The following NKAIN2 variants were observed in gnomAD, a reference collection of about 807,000 sequenced individuals.
NKAIN2 encodes sodium/potassium transporting ATPase interacting 2.
NKAIN2 carries 14 observed loss-of-function variants against 32.6 expected under a neutral mutation model. That is an observed-to-expected ratio of 0.43 (90% confidence interval 0.28 to 0.67). The LOEUF is 0.67. Ranked by LOEUF, NKAIN2 falls within the 30% of genes least tolerant of loss-of-function variation. The pLI is 0.17. For missense variants in NKAIN2, 198 were observed against 258.3 expected, an observed-to-expected ratio of 0.77 and a Z score of 1.60; for synonymous variants, 80 against 87.2, an observed-to-expected ratio of 0.92 and a Z score of 0.46.
chr6:124,353,816 A>C (rs965803901), intron 2 of NKAIN2, among the ~76,000 whole-genome samples: 1 of 152,120 alleles, frequency 6.6e-6, no homozygotes, highest in Non-Finnish European at 1.5e-5. Flanking sequence ...AGCAAATAAT[A>C]TATGTGTCTG....
intron 2 of NKAIN2, among the ~76,000 whole-genome samples, chr6:124,351,509 A>AG (rs61575950): frequency 2.0e-5 from 1 of 50,074 alleles, no homozygotes; most frequent in Non-Finnish European, 3.8e-5. Flanking sequence ...CAAAAAAACC[A>AG]AAAAAAAAAA....
intron 5 of NKAIN2, among the ~76,000 whole-genome samples, chr6:124,817,587 G>A (rs1436409651): frequency 6.6e-6 from 1 of 152,092 alleles, no homozygotes; most frequent in East Asian, 1.9e-4. Flanking sequence ...GCCCCATAGT[G>A]TCATTTATAG....
At chr6:124,708,035 G>C (rs1775197137) in intron 4 of NKAIN2, among the ~76,000 whole-genome samples, 2 of 148,128 alleles carry the variant, frequency 1.4e-5, no homozygotes, top group African/African-American at 2.5e-5. Context: ...GTAAGGAAGG[G>C]ATCCAGTTTC....
chr6:124,429,348 C>T, intron 3 of NKAIN2, among the ~76,000 whole-genome samples: 1 of 152,020 alleles, frequency 6.6e-6, no homozygotes, highest in East Asian at 1.9e-4. Flanking sequence ...GCGCCTGGCC[C>T]ATATTTTTTC....
intron 4 of NKAIN2, among the ~76,000 whole-genome samples, chr6:124,726,724 T>C (rs1231010337): frequency 1.4e-5 from 2 of 145,224 alleles, no homozygotes; most frequent in African/African-American, 2.6e-5. Context: ...TTTGATGAGC[T>C]GAGAGAAGAA....
chr6:123,826,931 T>C (rs1463475112), intron 1 of NKAIN2, among the ~76,000 whole-genome samples: 2 of 152,122 alleles, frequency 1.3e-5, no homozygotes, highest in Non-Finnish European at 2.9e-5. Flanking sequence ...CTGTTTCCCA[T>C]AGTGGCTGCA....
At chr6:124,363,253 T>C (rs1799373926) in intron 3 of NKAIN2, among the ~76,000 whole-genome samples, 1 of 152,182 alleles carries the variant, frequency 6.6e-6, no homozygotes, top group Non-Finnish European at 1.5e-5. Flanking sequence ...AAACTTTAGA[T>C]ACCAACAAGT....
At position 124,824,889 on chromosome 6, in the gene NKAIN2, C is replaced by T. The variant is rs1467482094; in HGVS notation, c.*1660C>T. 1 of 152,314 alleles carries T rather than the reference C, an allele frequency of 6.6e-6. No homozygotes were observed. The highest frequency in any genetic ancestry group is 1.9e-4 in the East Asian group (1 of 5,184). 9.4% of individuals were successfully genotyped at this position (152,314 alleles called of 1,614,324 possible). On this transcript the variant is annotated 3_prime_UTR_variant, in exon 7 of 7. Coordinates refer to ENST00000368417, the MANE Select transcript of NKAIN2 (RefSeq NM_001040214.3). ...TGTCTGTAATATACACACACATATA[C>T]ATTTGAAAATGATAGAGGAACAAAG...
intron 3 of NKAIN2, among the ~76,000 whole-genome samples, chr6:124,588,783 C>T (rs1562271816): frequency 6.6e-6 from 1 of 152,070 alleles, no homozygotes; most frequent in Non-Finnish European, 1.5e-5. Context: ...TAAAATAAGC[C>T]TCAGGGACCA....
At position 123,857,949 on chromosome 6, in the gene NKAIN2, G is replaced by T. The variant is rs985541367; in HGVS notation, c.54+53695G>T. On this transcript the variant is annotated intron_variant, in intron 1 of 6. Transcript: ENST00000368417. ...TAACCTCCTAAACAAAGACATATCA[G>T]ATTTATCTGTTGACTTGGAGAGATA... Among the ~76,000 whole-genome samples, 5 of 152,118 alleles carry T rather than the reference G, an allele frequency of 3.3e-5. No homozygotes were observed. In the East Asian group the frequency reaches 5.8e-4, roughly 18 times the overall value.
intron 1 of NKAIN2, among the ~76,000 whole-genome samples, chr6:124,174,675 A>G (rs888365629): frequency 6.6e-6 from 1 of 152,142 alleles, no homozygotes. Flanking sequence ...GATTGCATCA[A>G]GAGATTATTA....
intron 1 of NKAIN2, among the ~76,000 whole-genome samples, chr6:123,915,139 C>T (rs12530266): frequency 0.37 from 56,503 of 152,000 alleles, 10,956 homozygotes; most frequent in East Asian, 0.64. Context: ...TATGTTTGGG[C>T]CAAGCACTGG....
chr6:124,477,853 C>CCT lies in NKAIN2; in HGVS notation c.273+122520_273+122521dup, dbSNP rs199900065. Among the ~76,000 whole-genome samples, 1,278 of 142,256 alleles carry CCT rather than the reference C, an allele frequency of 9.0e-3. 17 individuals are homozygous for CCT. The highest frequency in any genetic ancestry group is 0.031 in the African/African-American group (1,205 of 38,306). 93.3% of individuals were successfully genotyped at this position (142,256 alleles called of 152,430 possible). A position where few individuals can be genotyped will look rare whatever the true frequency, so the allele number is the denominator to read the frequency against. ...CCTTCTTCTTCCTCTTCCTCTTCTT[C>CCT]CTCTCTCTCTCTCTCAATGTTTGGG... On this transcript the variant is annotated intron_variant, in intron 3 of 6. Transcript: ENST00000368417.
At chr6:124,180,487 G>T (rs908762589) in intron 1 of NKAIN2, among the ~76,000 whole-genome samples, 3 of 152,090 alleles carry the variant, frequency 2.0e-5, no homozygotes, top group East Asian at 3.9e-4. Context: ...TGACACCTGA[G>T]AATTATGGGA....
chr6:124,601,538 T>C (rs1431650687), intron 3 of NKAIN2, among the ~76,000 whole-genome samples: 1 of 152,012 alleles, frequency 6.6e-6, no homozygotes, highest in Non-Finnish European at 1.5e-5. Context: ...TTTGTGGAAG[T>C]AAATGAAAGG....
intron 3 of NKAIN2, among the ~76,000 whole-genome samples, chr6:124,439,282 A>G (rs1418806157): frequency 6.6e-6 from 1 of 151,892 alleles, no homozygotes; most frequent in Non-Finnish European, 1.5e-5. Flanking sequence ...TTTACTCCCT[A>G]TGTTCATCCT....
intron 1 of NKAIN2, among the ~76,000 whole-genome samples, chr6:124,232,018 A>AT (rs1166645708): frequency 6.6e-6 from 1 of 152,136 alleles, no homozygotes; most frequent in Admixed American, 6.6e-5. Flanking sequence ...GATATTCAGA[A>AT]TTTTAAACTC....
At chr6:124,735,171 T>G (rs1418407406) in intron 4 of NKAIN2, among the ~76,000 whole-genome samples, 1 of 151,946 alleles carries the variant, frequency 6.6e-6, no homozygotes, top group Admixed American at 6.6e-5. Flanking sequence ...CTGCACAATA[T>G]TCAATGAGAA....
intron 4 of NKAIN2, among the ~76,000 whole-genome samples, chr6:124,768,660 G>A (rs1348388806): frequency 1.3e-5 from 2 of 151,874 alleles, no homozygotes; most frequent in Admixed American, 1.3e-4. Flanking sequence ...ACATTTCCTA[G>A]ATATAAGAAT....
Sources: allele counts gnomAD v4.1 joint callset (sites outside exome capture counted in the v4.1 genomes callset), GRCh38; gene constraint gnomAD v4.1.1; transcripts MANE v1.5; gene names NCBI Gene and HGNC (gene_info 2026-07-23, HGNC 2026-07-21).